AUTS2: variants seen among roughly 807,000 people sequenced by gnomAD.
The protein encoded by AUTS2 is autism susceptibility gene 2 protein.
AUTS2 carries 17 observed loss-of-function variants against 112.4 expected under a neutral mutation model. That is an observed-to-expected ratio of 0.15 (90% CI 0.10 to 0.23). The LOEUF (loss-of-function observed/expected upper bound fraction) is 0.23, where lower values mean the gene tolerates loss of function less well. Among genes scored for constraint, AUTS2 ranks in the 10% least tolerant of loss-of-function variants. The pLI is 1.00. For missense variants in AUTS2, 1,510 were observed against 1,701.6 expected, an observed-to-expected ratio of 0.89 and a Z score of 1.98; for synonymous variants, 751 against 702.7, an observed-to-expected ratio of 1.07 and a Z score of -1.09.
At chr7:70,297,270 G>A (rs1445109007) in intron 4 of AUTS2, among the ~76,000 whole-genome samples, 1 of 151,946 alleles carries the variant, frequency 6.6e-6, no homozygotes, top group Non-Finnish European at 1.5e-5. Context: ...GTGGTCAAAT[G>A]TAGTCACAGA....
intron 4 of AUTS2, among the ~76,000 whole-genome samples, chr7:70,403,890 T>C (rs1419876343): frequency 2.0e-5 from 3 of 152,210 alleles, no homozygotes; most frequent in Admixed American, 1.3e-4. Context: ...GATGTCAGAT[T>C]GCTGGCCTAA....
chr7:70,327,936 G>C (rs1036156903), intron 4 of AUTS2, among the ~76,000 whole-genome samples: 6 of 152,108 alleles, frequency 3.9e-5, no homozygotes, highest in African/African-American at 1.4e-4. Flanking sequence ...GGCATGTGTG[G>C]TTAGGCCTTT....
At chr7:70,570,459 T>C (rs749643616) in intron 5 of AUTS2, among the ~76,000 whole-genome samples, 7 of 152,218 alleles carry the variant, frequency 4.6e-5, no homozygotes, top group Non-Finnish European at 1.0e-4. Flanking sequence ...ATCCTTGCTG[T>C]TTCAGAATCG....
intron 4 of AUTS2, among the ~76,000 whole-genome samples, chr7:70,415,023 A>T (rs1367722422): frequency 6.6e-6 from 1 of 152,228 alleles, no homozygotes; most frequent in African/African-American, 2.4e-5. Context: ...ATATTAACAC[A>T]GAGTAAATAG....
chr7:70,245,309 C>T (rs1812865014), intron 4 of AUTS2, among the ~76,000 whole-genome samples: 1 of 151,904 alleles, frequency 6.6e-6, no homozygotes, highest in South Asian at 2.1e-4. Context: ...TAATAAGTCA[C>T]TGCTAATGGC....
intron 1 of AUTS2, among the ~76,000 whole-genome samples, chr7:69,798,380 C>T (rs937634843): frequency 2.0e-5 from 3 of 152,158 alleles, no homozygotes; most frequent in African/African-American, 4.8e-5. Context: ...GTTCGGTAAA[C>T]GTTGCATTAC....
intron 5 of AUTS2, among the ~76,000 whole-genome samples, chr7:70,465,623 G>A (rs1410799682): frequency 1.3e-5 from 2 of 152,158 alleles, no homozygotes; most frequent in African/African-American, 4.8e-5. Context: ...CCTCTGCCTC[G>A]TATTCCATGC....
intron 2 of AUTS2, among the ~76,000 whole-genome samples, chr7:70,117,117 G>GTTTTTTTTTTTTT (rs60488343): frequency 1.2e-4 from 9 of 73,072 alleles, no homozygotes; most frequent in East Asian, 4.3e-4. Context: ...TTTTTTTTTT[G>GTTTTTTTTTTTTT]TTTTTTTTTG....
intron 1 of AUTS2, among the ~76,000 whole-genome samples, chr7:69,719,234 C>G (rs1798785702): frequency 6.6e-6 from 1 of 152,182 alleles, no homozygotes; most frequent in Non-Finnish European, 1.5e-5. Flanking sequence ...TTCTTTCACA[C>G]TTGAAGCCCT....
chr7:70,048,817 G>C (rs1483679995), intron 2 of AUTS2, among the ~76,000 whole-genome samples: 2 of 152,132 alleles, frequency 1.3e-5, no homozygotes, highest in African/African-American at 4.8e-5. Flanking sequence ...AATAAAAGAA[G>C]AAAATTTAAA....
chr7:70,249,993 T>A (rs907088048), intron 4 of AUTS2, among the ~76,000 whole-genome samples: 1 of 150,300 alleles, frequency 6.7e-6, no homozygotes, highest in Admixed American at 6.7e-5. Flanking sequence ...AAAACATAAT[T>A]TGATGCAAGA....
chr7:70,761,931 T>A (rs1789587759), intron 6 of AUTS2, among the ~76,000 whole-genome samples: 1 of 152,224 alleles, frequency 6.6e-6, no homozygotes, highest in Non-Finnish European at 1.5e-5. Flanking sequence ...GATGGGAAAC[T>A]TTATTTCAGT....
intron 2 of AUTS2, among the ~76,000 whole-genome samples, chr7:69,900,996 T>A (rs1012040854): frequency 6.6e-6 from 1 of 152,204 alleles, no homozygotes; most frequent in African/African-American, 2.4e-5. Flanking sequence ...AAACGAGGGC[T>A]CAAAGAGATA....
chr7:70,727,976 G>A (rs989888914), intron 6 of AUTS2, among the ~76,000 whole-genome samples: 2 of 152,130 alleles, frequency 1.3e-5, no homozygotes, highest in African/African-American at 4.8e-5. Context: ...GGAATAGGGA[G>A]GGCACCTCTC....
chr7:70,438,724 C>T (rs112594656), intron 5 of AUTS2, among the ~76,000 whole-genome samples: 1,666 of 152,280 alleles, frequency 0.011, 32 homozygotes, highest in African/African-American at 0.035. Flanking sequence ...CTTGCCTGTG[C>T]CCCCCTCGAA....
At chr7:70,602,216 A>G (rs1242013986) in intron 5 of AUTS2, among the ~76,000 whole-genome samples, 1 of 152,222 alleles carries the variant, frequency 6.6e-6, no homozygotes, top group Non-Finnish European at 1.5e-5. Flanking sequence ...TGCACGTATG[A>G]TAACAAGACA....
chr7:69,981,860 T>G (rs992126950), intron 2 of AUTS2, among the ~76,000 whole-genome samples: 1 of 152,224 alleles, frequency 6.6e-6, no homozygotes, highest in Admixed American at 6.5e-5. Context: ...CCACTTGATA[T>G]GTACACACTT....
chr7:69,876,540 A>G (rs570429599), intron 1 of AUTS2, among the ~76,000 whole-genome samples: 1 of 82,402 alleles, frequency 1.2e-5, no homozygotes, highest in Admixed American at 1.6e-4. Flanking sequence ...ATATATATAT[A>G]TATATTTTCA....
At chr7:70,538,487 A>G (rs1312804338) in intron 5 of AUTS2, among the ~76,000 whole-genome samples, 1 of 152,150 alleles carries the variant, frequency 6.6e-6, no homozygotes, top group Non-Finnish European at 1.5e-5. Context: ...CCGAGATGGC[A>G]CTGCTGCACT....
Sources: allele counts gnomAD v4.1 joint callset (sites outside exome capture counted in the v4.1 genomes callset), GRCh38; gene constraint gnomAD v4.1.1; transcripts MANE v1.5; gene names NCBI Gene and HGNC (gene_info 2026-07-23, HGNC 2026-07-21).